MPDZ: variants seen among roughly 807,000 people sequenced by gnomAD.
The protein encoded by MPDZ is multiple PDZ domain crumbs cell polarity complex component, also known as multiple PDZ domain protein.
MPDZ carries 234 observed loss-of-function variants against 239.1 expected under a neutral mutation model. The ratio of observed to expected loss-of-function variants is 0.98; its 90% CI spans 0.88 to 1.09. The LOEUF (loss-of-function observed/expected upper bound fraction) is 1.09, where lower values mean the gene tolerates loss of function less well. Among genes scored for constraint, MPDZ ranks in the 50% least tolerant of loss-of-function variants. The pLI is 0.00. For synonymous variants in MPDZ, 1,048 were observed against 881.3 expected (o/e 1.19, Z -3.35); for missense variants, 3,175 against 2,510.0 (o/e 1.26, Z -5.66).
chr9:13,188,865 G>C lies in MPDZ; in HGVS notation c.2283C>G (p.Asn761Lys). ...LMFVNDVNLENSSLEEAVEAL... is the reference protein window; with the variant it reads ...LMFVNDVNLEKSSLEEAVEAL... ...CTTCTACAGCTTCCTCAAGACTGCT[G>C]TTTTCCAAGTTAACATCGTTTACAA... The change falls in exon 17 of 47, where the codon AAC becomes AAG. Residue 761 changes from asparagine to lysine, a missense_variant. Asn to Lys is a moderately conservative substitution (Grantham distance 94). Coordinates refer to ENST00000319217, the MANE Select transcript of MPDZ (RefSeq NM_001378778.1). 6.2e-7 allele frequency: 1 copy of C among 1,613,562 alleles called. No homozygotes were observed. The highest frequency in any genetic ancestry group is 8.5e-7 in the Non-Finnish European group (1 of 1,179,618).
chr9:13,128,791 C>T (rs1945487383), intron 32 of MPDZ, among the ~76,000 whole-genome samples: 1 of 152,158 alleles, frequency 6.6e-6, no homozygotes, highest in Admixed American at 6.5e-5. Flanking sequence ...TCTCCCTTCT[C>T]CCAAGATACA....
intron 3 of MPDZ, among the ~76,000 whole-genome samples, chr9:13,235,871 G>T (rs1442217003): frequency 6.6e-6 from 1 of 152,028 alleles, no homozygotes; most frequent in Non-Finnish European, 1.5e-5. Context: ...GAAATAAAGA[G>T]TATGTAAGAC....
At position 13,246,180 on chromosome 9, in the gene MPDZ, G is replaced by A. The variant is rs541830629; in HGVS notation, c.183+1455C>T. On this transcript the variant is annotated intron_variant, in intron 3 of 46. Coordinates refer to ENST00000319217, the MANE Select transcript of MPDZ (RefSeq NM_001378778.1). ...AAAATCAATCTTGCCAGGCGCGATG[G>A]CTCACTCCTGTAATCCCAGCACTTC... Among the ~76,000 whole-genome samples the A allele has an allele frequency of 2.0e-5, 3 of 152,248 alleles. No individual in the cohort carries two copies. In the East Asian group the frequency reaches 5.8e-4, roughly 29 times the overall value.
chr9:13,156,344 A>C (rs1172442012), intron 24 of MPDZ, among the ~76,000 whole-genome samples: 2 of 152,200 alleles, frequency 1.3e-5, no homozygotes, highest in African/African-American at 4.8e-5. Context: ...CATGCTGCTG[A>C]TAAAGAAATA....
chr9:13,152,278 C>T (rs1271503509), intron 24 of MPDZ, among the ~76,000 whole-genome samples: 1 of 152,088 alleles, frequency 6.6e-6, no homozygotes, highest in Non-Finnish European at 1.5e-5. Context: ...CACTACCTCC[C>T]TAACCTCCCC....
At position 13,136,324 on chromosome 9, in the gene MPDZ, TC is replaced by T. The variant is rs373430050; in HGVS notation, c.4293-143del. ...GACACTTACAAATTTACAAACGTTT[TC>T]TTTTTTTTTTTTTTTTTTTTTTTTG... On this transcript the variant is annotated intron_variant, in intron 30 of 46. Transcript: ENST00000319217. The T allele has an allele frequency of 1.1e-3, 449 of 400,926 alleles. 10 individuals are homozygous for T. The highest frequency in any genetic ancestry group is 3.9e-3 in the Admixed American group (75 of 19,194). 24.8% of individuals were successfully genotyped at this position (400,926 alleles called of 1,614,324 possible). A position where few individuals can be genotyped will look rare whatever the true frequency, so the allele number is the denominator to read the frequency against.
At chr9:13,142,213 G>T (rs1227805945) in intron 27 of MPDZ, among the ~76,000 whole-genome samples, 1 of 151,934 alleles carries the variant, frequency 6.6e-6, no homozygotes, top group African/African-American at 2.4e-5. Context: ...TAATTTTTCT[G>T]AGCTGTTATT....
chr9:13,251,229 C>T (rs569979201), intron 1 of MPDZ, among the ~76,000 whole-genome samples: 3 of 151,242 alleles, frequency 2.0e-5, no homozygotes, highest in Non-Finnish European at 2.9e-5. Context: ...CTTTAAATCA[C>T]GGATGAAAAA....
intron 8 of MPDZ, among the ~76,000 whole-genome samples, chr9:13,217,912 G>C (rs1427178359): frequency 6.6e-6 from 1 of 151,752 alleles, no homozygotes; most frequent in Non-Finnish European, 1.5e-5. Flanking sequence ...CTAATGTGTA[G>C]AGTTGTTACA....
At chr9:13,185,979 G>A (rs1017399240) in intron 18 of MPDZ, among the ~76,000 whole-genome samples, 7 of 152,056 alleles carry the variant, frequency 4.6e-5, no homozygotes, top group African/African-American at 9.7e-5. Flanking sequence ...ATATCTAAGC[G>A]TGAAATTGGA....
intron 34 of MPDZ, 32 bp downstream of exon 34, chr9:13,126,484 A>C (rs1295535216): frequency 6.9e-7 from 1 of 1,454,794 alleles, no homozygotes; most frequent in Admixed American, 2.0e-5. Flanking sequence ...GGATGGGCCT[A>C]CATTACCATT....
At chr9:13,258,617 C>T (rs962640484) in intron 1 of MPDZ, among the ~76,000 whole-genome samples, 2 of 152,162 alleles carry the variant, frequency 1.3e-5, no homozygotes, top group Non-Finnish European at 2.9e-5. Flanking sequence ...TACTGAACTA[C>T]AGCTCTAAAA....
At chr9:13,192,675 T>C (rs1400069182) in intron 14 of MPDZ, among the ~76,000 whole-genome samples, 1 of 152,116 alleles carries the variant, frequency 6.6e-6, no homozygotes, top group Non-Finnish European at 1.5e-5. Context: ...ACATATATTG[T>C]ATGCTAGTGT....
chr9:13,248,537 A>T (rs1044329190), intron 2 of MPDZ, among the ~76,000 whole-genome samples: 9 of 152,076 alleles, frequency 5.9e-5, no homozygotes, highest in African/African-American at 2.2e-4. Context: ...CTGAAACACA[A>T]ACATATACAC....
intron 3 of MPDZ, among the ~76,000 whole-genome samples, chr9:13,236,249 G>GTATA (rs1172287952): frequency 2.2e-4 from 8 of 35,850 alleles, no homozygotes; most frequent in African/African-American, 9.4e-4. Flanking sequence ...GTGTGTGTGT[G>GTATA]TATATATATA....
At chr9:13,110,179 C>T in intron 44 of MPDZ, 115 bp from the exon 45 acceptor site, 1 of 733,766 alleles carries the variant, frequency 1.4e-6, no homozygotes, top group Non-Finnish European at 2.2e-6. Context: ...TTCATTTAAA[C>T]ATTTCTGTTA....
intron 33 of MPDZ, 25 bp from the exon 34 acceptor site, chr9:13,126,615 G>C: frequency 6.2e-7 from 1 of 1,610,796 alleles, no homozygotes; most frequent in Non-Finnish European, 8.5e-7. Flanking sequence ...AGAAGAATTT[G>C]AGTGATATTC....
intron 1 of MPDZ, among the ~76,000 whole-genome samples, chr9:13,273,117 A>G (rs565184679): frequency 1.2e-3 from 176 of 152,252 alleles, no homozygotes; most frequent in African/African-American, 4.1e-3. Context: ...GGCCCTCACC[A>G]TTCACAGAAT....
chr9:13,224,458 T>G lies in MPDZ; in HGVS notation c.309A>C (p.Glu103Asp), dbSNP rs1285909349. ...FLLSPNNGNLEALTGPGIPHI... is the reference protein window; with the variant it reads ...FLLSPNNGNLDALTGPGIPHI... Reference sequence around the variant, plus strand: ...GTGGAATACCAGGTCCTGTAAGTGCTTCCAGATTCCCATTGTTTGGGGATA... The same window carrying G: ...GTGGAATACCAGGTCCTGTAAGTGCGTCCAGATTCCCATTGTTTGGGGATA... The change falls in exon 4 of 47, where the codon GAA (glutamate) becomes GAC (aspartate). Residue 103 changes from glutamate to aspartate, a missense_variant. Coordinates refer to ENST00000319217, the MANE Select transcript of MPDZ (RefSeq NM_001378778.1). The G allele has an allele frequency of 5.0e-6, 8 of 1,613,042 alleles. No individual in the cohort carries two copies. The highest frequency in any genetic ancestry group is 5.9e-6 in the Non-Finnish European group (7 of 1,179,338).
Sources: gnomAD v4.1 joint callset for allele counts (sites outside exome capture counted in the v4.1 genomes callset) on GRCh38, gnomAD v4.1.1 for gene constraint, MANE v1.5 for transcripts, NCBI Gene and HGNC (gene_info 2026-07-23, HGNC 2026-07-21) for gene names.